CACNA2D2: variants seen among roughly 807,000 people sequenced by gnomAD.
CACNA2D2 encodes the protein voltage-dependent calcium channel subunit alpha-2/delta-2.
A neutral mutation model predicts 166.4 loss-of-function variants in CACNA2D2; 48 were observed. The ratio of observed to expected loss-of-function variants is 0.29; its 90% CI spans 0.23 to 0.37. The LOEUF (loss-of-function observed/expected upper bound fraction) is 0.37, where lower values mean the gene tolerates loss of function less well. CACNA2D2 is among the 10% of genes least tolerant of loss of function. CACNA2D2 has a pLI of 1.00. For missense variants in CACNA2D2, 1,122 were observed against 1,433.0 expected (o/e 0.78, Z 3.50); for synonymous variants, 561 against 573.7 (o/e 0.98, Z 0.32).
intron 1 of CACNA2D2, among the ~76,000 whole-genome samples, chr3:50,502,460 G>A (rs1010908938): frequency 3.3e-5 from 5 of 152,214 alleles, no homozygotes; most frequent in African/African-American, 1.2e-4. Flanking sequence ...GCTGGCTCTT[G>A]GGGAGGAGGA....
intron 2 of CACNA2D2, among the ~76,000 whole-genome samples, chr3:50,452,912 A>T (rs1709170852): frequency 6.6e-6 from 1 of 152,190 alleles, no homozygotes; most frequent in African/African-American, 2.4e-5. Flanking sequence ...CTTGACCCCC[A>T]CTAAACTCTC....
intron 2 of CACNA2D2, among the ~76,000 whole-genome samples, chr3:50,460,837 G>C (rs531703528): frequency 1.3e-5 from 2 of 150,584 alleles, no homozygotes; most frequent in Admixed American, 6.6e-5. Flanking sequence ...CTGGGTGACA[G>C]AGCAAGACTC....
At chr3:50,390,690 G>A (rs1436555775) in intron 4 of CACNA2D2, among the ~76,000 whole-genome samples, 1 of 152,198 alleles carries the variant, frequency 6.6e-6, no homozygotes, top group Admixed American at 6.5e-5. Context: ...ACAGATAACA[G>A]GCGAGGGGCG....
intron 2 of CACNA2D2, among the ~76,000 whole-genome samples, chr3:50,470,949 T>C (rs1710062137): frequency 6.6e-6 from 1 of 152,102 alleles, no homozygotes. Context: ...AAGAGGACCA[T>C]ATGGACGGAA....
chr3:50,392,445 G>A (rs2236955), intron 4 of CACNA2D2, among the ~76,000 whole-genome samples: 33,690 of 152,148 alleles, frequency 0.22, 4,602 homozygotes, highest in East Asian at 0.47. Flanking sequence ...GGGACAGGCC[G>A]GCAGGCACCC....
At chr3:50,381,386 G>A (rs887370129) in intron 6 of CACNA2D2, among the ~76,000 whole-genome samples, 35 of 152,128 alleles carry the variant, frequency 2.3e-4, no homozygotes, top group African/African-American at 7.5e-4. Context: ...AGGCAGGGCA[G>A]CTGTGGCTGG....
chr3:50,460,803 G>A (rs1185033846), intron 2 of CACNA2D2, among the ~76,000 whole-genome samples: 1 of 151,468 alleles, frequency 6.6e-6, no homozygotes, highest in African/African-American at 2.4e-5. Flanking sequence ...GCAGTGAGCC[G>A]AGATCACGCC....
chr3:50,424,316 G>A (rs1022547050), intron 3 of CACNA2D2, among the ~76,000 whole-genome samples: 2 of 152,150 alleles, frequency 1.3e-5, no homozygotes, highest in Admixed American at 6.5e-5. Context: ...GTCCCTGGAT[G>A]GGGTCTCGGC....
chr3:50,388,225 T>C (rs1705711076), intron 4 of CACNA2D2, among the ~76,000 whole-genome samples: 1 of 152,208 alleles, frequency 6.6e-6, no homozygotes, highest in African/African-American at 2.4e-5. Context: ...TGGCCATCTG[T>C]GCGTCATAAT....
At chr3:50,369,910 C>T (rs587711480) in intron 23 of CACNA2D2, among the ~76,000 whole-genome samples, 113 of 151,966 alleles carry the variant, frequency 7.4e-4, no homozygotes, top group African/African-American at 2.6e-3. Flanking sequence ...ACACGAACAC[C>T]GACTGACACA....
intron 1 of CACNA2D2, among the ~76,000 whole-genome samples, chr3:50,487,775 T>C (rs1698353095): frequency 6.6e-6 from 1 of 152,310 alleles, no homozygotes; most frequent in Middle Eastern, 3.4e-3. Flanking sequence ...GTCAAATTAC[T>C]GGCAAAATGC....
Position 50,380,958 on chromosome 3 carries a change from G to A in CACNA2D2, c.784+37C>T, listed in dbSNP as rs779061262. 1.2e-6 allele frequency: 2 copies of A among 1,610,062 alleles called. No homozygotes were observed. The highest frequency in any genetic ancestry group is 1.1e-5 in the South Asian group (1 of 90,768). On this transcript the variant is annotated intron_variant, in intron 7 of 37. Coordinates refer to ENST00000424201, the MANE Select transcript of CACNA2D2 (RefSeq NM_006030.4). The surrounding 1 kb of genome is among the most constrained non-coding windows in gnomAD (Gnocchi z 4.9). ...TGGGCTGGTAGATGGAGAAAGGCGAGGTGCTGGGTAGACAGGGGACAGGGG... is the reference window on the plus strand; with the variant it reads ...TGGGCTGGTAGATGGAGAAAGGCGAAGTGCTGGGTAGACAGGGGACAGGGG...
In CACNA2D2 at chr3:50,366,912, G is replaced by A. The variant is rs374274840; in HGVS notation, c.2508C>T (p.Gly836=). ...GRRTLRPAVV[G]VKLDLEAWAE... is the part of the protein sequence containing the mutation. The stretch of plus-strand genomic sequence containing the variant: ...CCCAAGCCTCTAGGTCCAGCTTGAC[G>A]CCCACCACTTTGGGGGAGAGCAAGG... The change falls in exon 29 of 38, where the codon GGC becomes GGT. Residue 836 remains glycine (G), a synonymous_variant. Transcript: ENST00000424201. The surrounding 1 kb of genome is among the most constrained non-coding windows in gnomAD (Gnocchi z 5.9). 9 of 1,613,668 alleles carry A rather than the reference G, an allele frequency of 5.6e-6. No homozygotes were observed. The highest frequency in any genetic ancestry group is 7.6e-6 in the Non-Finnish European group (9 of 1,180,006).
At chr3:50,471,528 T>A (rs1315313527) in intron 2 of CACNA2D2, among the ~76,000 whole-genome samples, 1 of 152,188 alleles carries the variant, frequency 6.6e-6, no homozygotes, top group Non-Finnish European at 1.5e-5. Context: ...CCACTCTGGA[T>A]GCCCAGAGGG....
At chr3:50,419,560 G>A (rs902370778) in intron 3 of CACNA2D2, among the ~76,000 whole-genome samples, 4 of 152,158 alleles carry the variant, frequency 2.6e-5, no homozygotes, top group Admixed American at 1.3e-4. Context: ...CATTGGGCTC[G>A]GGAGTGAACC....
At chr3:50,398,222 C>T (rs935502035) in intron 3 of CACNA2D2, among the ~76,000 whole-genome samples, 4 of 152,104 alleles carry the variant, frequency 2.6e-5, no homozygotes, top group Non-Finnish European at 5.9e-5. Context: ...AAGTGCCTGT[C>T]CCCCTGGGAG....
At chr3:50,390,996 C>T (rs895418971) in intron 4 of CACNA2D2, among the ~76,000 whole-genome samples, 15 of 152,220 alleles carry the variant, frequency 9.9e-5, no homozygotes, top group Non-Finnish European at 2.1e-4. Context: ...GCCAGCTCAG[C>T]CTGGCCAAGA....
intron 2 of CACNA2D2, among the ~76,000 whole-genome samples, chr3:50,438,416 T>C (rs1234598024): frequency 1.3e-5 from 2 of 152,160 alleles, no homozygotes; most frequent in Non-Finnish European, 2.9e-5. Context: ...CCCTCCATCC[T>C]AGGGCTTCAC....
Position 50,503,254 on chromosome 3 carries a change from G to A in CACNA2D2, c.170C>T (p.Pro57Leu). 8.4e-7 allele frequency: 1 copy of A among 1,194,176 alleles called. No homozygotes were observed. The highest frequency in any genetic ancestry group is 1.0e-6 in the Non-Finnish European group (1 of 962,626). 74.0% of individuals were successfully genotyped at this position (1,194,176 alleles called of 1,614,324 possible). The part of the protein sequence containing the change: ...LLPLLPLLAA[P>L]GASAYSFPQQ... ...GGGGAAGCTGTAGGCAGAGGCGCCGGGGGCGGCGAGCAGCGGTAGAAGCGG... is the reference window on the plus strand; with the variant it reads ...GGGGAAGCTGTAGGCAGAGGCGCCGAGGGCGGCGAGCAGCGGTAGAAGCGG... Residue 57 changes from proline to leucine, a missense_variant, in exon 1 of 38, where the codon CCC becomes CTC. Around this residue, in one of 2 missense-constraint regions of CACNA2D2, gnomAD observed 840 missense variants for 1,166.8 expected, o/e 0.72. Transcript: ENST00000424201.
Sources: gnomAD v4.1 joint callset for allele counts (sites outside exome capture counted in the v4.1 genomes callset) on GRCh38, gnomAD v4.1.1 for gene constraint, gnomAD v4.1.1 regional missense constraint, Gnocchi (gnomAD v3.1) non-coding constraint, MANE v1.5 for transcripts, NCBI Gene and HGNC (gene_info 2026-07-23, HGNC 2026-07-21) for gene names.